Variants in LRMDA observed in about 807,000 individuals in gnomAD.
LRMDA encodes leucine rich melanocyte differentiation associated, also known as leucine-rich melanocyte differentiation-associated protein.
LRMDA carries 18 observed loss-of-function variants against 29.8 expected under a neutral mutation model. The ratio of observed to expected loss-of-function variants is 0.60; its 90% CI spans 0.42 to 0.90. The LOEUF is 0.90. Among genes scored for constraint, LRMDA ranks in the 40% least tolerant of loss-of-function variants. The probability of loss-of-function intolerance (pLI) is 0.00; values close to 1 mark genes in which losing one functional copy is unlikely to be tolerated. For missense variants in LRMDA, 273 were observed against 273.9 expected, an observed-to-expected ratio of 1.00 and a Z score of 0.02; for synonymous variants, 125 against 109.4, an observed-to-expected ratio of 1.14 and a Z score of -0.89.
At chr10:75,531,405 G>C (rs1036201826) in intron 2 of LRMDA, among the ~76,000 whole-genome samples, 2 of 152,178 alleles carry the variant, frequency 1.3e-5, no homozygotes, top group Non-Finnish European at 2.9e-5. Flanking sequence ...TCACAGACTC[G>C]TGGTGAGTGT....
intron 2 of LRMDA, among the ~76,000 whole-genome samples, chr10:75,683,425 C>A (rs557439410): frequency 1.8e-4 from 28 of 152,288 alleles, no homozygotes; most frequent in Non-Finnish European, 2.9e-4. Context: ...TAGAAACTTG[C>A]TGGAGAACTG....
chr10:76,352,472 T>C (rs1398764516), intron 6 of LRMDA, among the ~76,000 whole-genome samples: 3 of 152,026 alleles, frequency 2.0e-5, no homozygotes, highest in Admixed American at 2.0e-4. Flanking sequence ...AAGCGGCCGA[T>C]TCTATATACA....
intron 2 of LRMDA, among the ~76,000 whole-genome samples, chr10:75,453,094 G>A (rs902834868): frequency 6.6e-6 from 1 of 152,106 alleles, no homozygotes; most frequent in Non-Finnish European, 1.5e-5. Flanking sequence ...ATGGGTCAAA[G>A]AGAAATCAGA....
At chr10:76,383,499 C>T (rs1019782862) in intron 6 of LRMDA, among the ~76,000 whole-genome samples, 20 of 143,982 alleles carry the variant, frequency 1.4e-4, no homozygotes, top group Non-Finnish European at 2.8e-4. Context: ...GGCGCAATCT[C>T]GGCTCACTGC....
chr10:76,454,951 T>C (rs1282018170), intron 6 of LRMDA, among the ~76,000 whole-genome samples: 1 of 152,200 alleles, frequency 6.6e-6, no homozygotes, highest in South Asian at 2.1e-4. Flanking sequence ...CTTTATTCCA[T>C]GTGACTTGAG....
intron 2 of LRMDA, among the ~76,000 whole-genome samples, chr10:75,768,247 C>A (rs529298035): frequency 2.6e-5 from 4 of 152,186 alleles, no homozygotes; most frequent in Admixed American, 6.5e-5. Flanking sequence ...TTAGGCAGCC[C>A]ATTCTCCTTC....
chr10:75,637,302 C>A (rs1444157912), intron 2 of LRMDA, among the ~76,000 whole-genome samples: 1 of 152,152 alleles, frequency 6.6e-6, no homozygotes, highest in East Asian at 1.9e-4. Context: ...GTGAATATTA[C>A]CTGTGGTCAA....
intron 5 of LRMDA, among the ~76,000 whole-genome samples, chr10:76,140,127 C>G (rs551156897): frequency 4.3e-4 from 65 of 152,250 alleles, no homozygotes; most frequent in African/African-American, 1.5e-3. Context: ...ATATGTCTCT[C>G]TAGCGTAAGG....
At chr10:76,096,134 T>C (rs1293128755) in intron 5 of LRMDA, among the ~76,000 whole-genome samples, 2 of 152,180 alleles carry the variant, frequency 1.3e-5, no homozygotes, top group Non-Finnish European at 2.9e-5. Context: ...AAAGTCCACT[T>C]TATCAACATT....
intron 2 of LRMDA, among the ~76,000 whole-genome samples, chr10:75,954,966 CA>C (rs978079850): frequency 6.6e-6 from 1 of 152,106 alleles, no homozygotes; most frequent in East Asian, 1.9e-4. Context: ...TACATTAATC[CA>C]AAAGAGCTAT....
intron 2 of LRMDA, among the ~76,000 whole-genome samples, chr10:75,629,410 A>C (rs1449352835): frequency 6.6e-6 from 1 of 152,184 alleles, no homozygotes; most frequent in South Asian, 2.1e-4. Flanking sequence ...TTGTAATTTT[A>C]AAACATGTTC....
chr10:76,480,273 G>T (rs185932902), intron 6 of LRMDA, among the ~76,000 whole-genome samples: 2 of 151,982 alleles, frequency 1.3e-5, no homozygotes, highest in East Asian at 3.9e-4. Flanking sequence ...ATATGTTACT[G>T]TTATATACTT....
At chr10:76,161,654 T>C (rs1850649930) in intron 5 of LRMDA, among the ~76,000 whole-genome samples, 1 of 152,152 alleles carries the variant, frequency 6.6e-6, no homozygotes, top group Admixed American at 6.6e-5. Context: ...ATGAAACAAA[T>C]GTTGATGAAC....
chr10:75,572,185 C>G (rs1840445381), intron 2 of LRMDA, among the ~76,000 whole-genome samples: 2 of 152,148 alleles, frequency 1.3e-5, no homozygotes, highest in African/African-American at 2.4e-5. Flanking sequence ...ATCTCTTGAC[C>G]TCATGATCCA....
chr10:75,950,673 A>G (rs1846558559), intron 2 of LRMDA, among the ~76,000 whole-genome samples: 2 of 152,170 alleles, frequency 1.3e-5, no homozygotes. Flanking sequence ...ATTAATGACA[A>G]TACTTTTTGT....
At chr10:76,202,379 C>T (rs561684567) in intron 5 of LRMDA, among the ~76,000 whole-genome samples, 20 of 152,254 alleles carry the variant, frequency 1.3e-4, no homozygotes, top group African/African-American at 4.3e-4. Flanking sequence ...TGACTTCCTC[C>T]ATGGGACAGC....
intron 2 of LRMDA, among the ~76,000 whole-genome samples, chr10:76,013,897 C>T (rs1033012440): frequency 6.6e-6 from 1 of 151,322 alleles, no homozygotes; most frequent in Admixed American, 6.6e-5. Flanking sequence ...CAGACACCTG[C>T]AACTCTATTC....
At chr10:76,361,111 A>T (rs1250422635) in intron 6 of LRMDA, among the ~76,000 whole-genome samples, 1 of 152,060 alleles carries the variant, frequency 6.6e-6, no homozygotes, top group Non-Finnish European at 1.5e-5. Context: ...AAATATAAAA[A>T]TTAGTTGGAT....
intron 2 of LRMDA, among the ~76,000 whole-genome samples, chr10:75,490,179 G>A (rs1378187239): frequency 1.3e-5 from 2 of 152,170 alleles, no homozygotes; most frequent in Non-Finnish European, 2.9e-5. Context: ...TGGAATGTGA[G>A]CCAGTCGTCT....
Sources: allele counts gnomAD v4.1 joint callset (sites outside exome capture counted in the v4.1 genomes callset), GRCh38; gene constraint gnomAD v4.1.1; transcripts MANE v1.5; gene names NCBI Gene and HGNC (gene_info 2026-07-23, HGNC 2026-07-21).